GPX5: variants seen among roughly 807,000 people sequenced by gnomAD.
The protein encoded by GPX5 is epididymal secretory glutathione peroxidase.
A neutral mutation model predicts 23.8 loss-of-function variants in GPX5; 20 were observed. The observed-to-expected ratio is 0.84, with a 90% CI of 0.59 to 1.22. The LOEUF is 1.22. Ranked by LOEUF, GPX5 falls within the 50% of genes most tolerant of loss-of-function variation. The pLI is 0.00. For missense variants in GPX5, 230 were observed against 266.6 expected (o/e 0.86, Z 0.96); for synonymous variants, 92 against 99.5 (o/e 0.92, Z 0.45).
intron 2 of GPX5, among the ~76,000 whole-genome samples, chr6:28,530,352 T>C (rs932521750): frequency 3.3e-5 from 5 of 152,238 alleles, no homozygotes; most frequent in Non-Finnish European, 7.3e-5. Flanking sequence ...GGATGGATTA[T>C]ACCAGAGACA....
intron 4 of GPX5, among the ~76,000 whole-genome samples, chr6:28,533,379 ACT>A (rs1403570670): frequency 2.0e-5 from 3 of 152,130 alleles, no homozygotes; most frequent in Non-Finnish European, 2.9e-5. Context: ...ACACAGCGAG[ACT>A]CTGTCTCAAA....
At chr6:28,529,722 C>A in intron 2 of GPX5, 118 bp downstream of exon 2, 3 of 835,462 alleles carry the variant, frequency 3.6e-6, no homozygotes, top group South Asian at 2.6e-5. Flanking sequence ...TACTCATAAT[C>A]AAGTGACTTC....
chr6:28,531,804 A>C lies in GPX5; in HGVS notation c.268A>C (p.Lys90Gln). ...PELNALQEELKPYGLVVLGFP... is the reference protein window; with the variant it reads ...PELNALQEELQPYGLVVLGFP... ...ACTAAATGCACTCCAGGAGGAGCTG[A>C]AGCCCTATGGTCTAGTTGTGTTGGG... The change falls in exon 3 of 5, where the codon AAG becomes CAG. Residue 90 changes from lysine (K) to glutamine (Q), a missense_variant. Coordinates refer to ENST00000412168, the MANE Select transcript of GPX5 (RefSeq NM_001509.3). The C allele has an allele frequency of 6.2e-7, 1 of 1,612,988 alleles. No individual in the cohort carries two copies. The highest frequency in any genetic ancestry group is 8.5e-7 in the Non-Finnish European group (1 of 1,179,584).
Position 28,526,102 on chromosome 6 carries a change from T to C in GPX5, c.87+2T>C. 1 of 1,610,288 alleles carries C rather than the reference T, an allele frequency of 6.2e-7. No individual in the cohort carries two copies. The highest frequency in any genetic ancestry group is 1.1e-5 in the South Asian group (1 of 90,968). On this transcript the variant is annotated splice_donor_variant, in intron 1 of 4. Coordinates refer to ENST00000412168, the MANE Select transcript of GPX5 (RefSeq NM_001509.3). LOFTEE classifies it high-confidence loss of function. ...AGTCCCAAGCAGGAGAAGATGAAGG[T>C]GAGTGAGCTTCAGAGAGGGCATGGT...
intron 1 of GPX5, among the ~76,000 whole-genome samples, chr6:28,527,517 T>C (rs964742760): frequency 6.6e-6 from 1 of 152,158 alleles, no homozygotes; most frequent in Admixed American, 6.5e-5. Flanking sequence ...TTGTGTTTTG[T>C]TTTGCTTTGT....
chr6:28,528,813 GTATATATATATATATATATATATA>G lies in GPX5; in HGVS notation c.88-594_88-571del, dbSNP rs70983945. ...TATATGTGTATATATATATATGTGT[GTATATATATATATATATATATATA>G]TATATATATATATATATATATATAT... is the stretch of plus-strand genomic sequence containing the variant. On this transcript the variant is annotated intron_variant, in intron 1 of 4. Transcript: ENST00000412168. Among the ~76,000 whole-genome samples, 679 of 95,674 alleles carry G rather than the reference GTATATATATATATATATATATATA, an allele frequency of 7.1e-3. 21 individuals carry two copies. The highest frequency in any genetic ancestry group is 0.011 in the Non-Finnish European group (498 of 45,686). The allele number at this position is 95,674 out of a possible 152,430, so 62.8% of individuals were successfully genotyped here.
At chr6:28,526,296 A>G (rs1430904426) in intron 1 of GPX5, among the ~76,000 whole-genome samples, 196 bp downstream of exon 1, 4 of 152,108 alleles carry the variant, frequency 2.6e-5, no homozygotes, top group Non-Finnish European at 5.9e-5. Context: ...TGACTAGGGA[A>G]GAAAGGGTCT....
At chr6:28,529,732 C>A in intron 2 of GPX5, 128 bp downstream of exon 2, 1 of 802,322 alleles carries the variant, frequency 1.2e-6, no homozygotes, top group Non-Finnish European at 1.8e-6. Flanking sequence ...CAAGTGACTT[C>A]ATCCTCCATA....
At position 28,526,004 on chromosome 6, in the gene GPX5, A is replaced by G. The variant is rs1277089060; in HGVS notation, c.-10A>G. Reference sequence around the variant, plus strand: ...CAGGCCCCCAGACTAGCAATCTACAAACACTAGTCATGACTACACAGTTAA... The same window carrying G: ...CAGGCCCCCAGACTAGCAATCTACAGACACTAGTCATGACTACACAGTTAA... On this transcript the variant is annotated 5_prime_UTR_variant, in exon 1 of 5. Coordinates refer to ENST00000412168, the MANE Select transcript of GPX5 (RefSeq NM_001509.3). 1 of 1,606,736 alleles carries G rather than the reference A, an allele frequency of 6.2e-7. No individual in the cohort carries two copies. Among genetic ancestry groups the G allele is most frequent in the Admixed American group, 1.7e-5 (1 of 60,018 alleles).
chr6:28,526,843 C>T lies in GPX5; in HGVS notation c.87+743C>T, dbSNP rs1047680203. 2.0e-4 allele frequency among the ~76,000 whole-genome samples: 30 copies of T among 152,308 alleles called. 1 individual carries two copies. The highest frequency in any genetic ancestry group is 1.7e-3 in the Admixed American group (26 of 15,306). On this transcript the variant is annotated intron_variant, in intron 1 of 4. Coordinates refer to ENST00000412168, the MANE Select transcript of GPX5 (RefSeq NM_001509.3). ...CTTTGGACAAATTAACCTCTGTTAT[C>T]TCATTGTAAATTTATGGGTAACAGT...
At position 28,532,571 on chromosome 6, in the gene GPX5, T is replaced by C; in HGVS notation, c.459+151T>C. On this transcript the variant is annotated intron_variant, in intron 4 of 4. Transcript: ENST00000412168. ...CCAGATCAGCATTCCACATTGCACA[T>C]GCTGATCTGGAGATTAATCTGTGAG... The C allele has an allele frequency of 5.0e-6, 3 of 595,218 alleles. No homozygotes were observed. In the South Asian group the frequency reaches 6.6e-5, roughly 13 times the overall value. 36.9% of individuals were successfully genotyped at this position (595,218 alleles called of 1,614,324 possible). A position where few individuals can be genotyped will look rare whatever the true frequency, so the allele number is the denominator to read the frequency against.
At chr6:28,532,057 G>A (rs1248219808) in intron 3 of GPX5, among the ~76,000 whole-genome samples, 162 bp downstream of exon 3, 1 of 152,092 alleles carries the variant, frequency 6.6e-6, no homozygotes, top group Non-Finnish European at 1.5e-5. Context: ...GCGTCTGGCA[G>A]TTTCCAGACT....
In GPX5 at chr6:28,531,393, AGAAAAG is replaced by A. The variant is rs1763317523; in HGVS notation, c.242-384_242-379del. Among the ~76,000 whole-genome samples the A allele has an allele frequency of 2.5e-4, 14 of 54,914 alleles. 1 individual carries two copies. The highest frequency in any genetic ancestry group is 3.6e-4 in the Non-Finnish European group (10 of 27,728). 36.0% of individuals were successfully genotyped at this position (54,914 alleles called of 152,430 possible). A position where few individuals can be genotyped will look rare whatever the true frequency, so the allele number is the denominator to read the frequency against. ...CTCAAAAAAAAAAAAAAAAAAAAAA[AGAAAAG>A]AAAAGAAAAGAAAAGAAAAGAAAAG... On this transcript the variant is annotated intron_variant, in intron 2 of 4. Coordinates refer to ENST00000412168, the MANE Select transcript of GPX5 (RefSeq NM_001509.3).
In GPX5 at chr6:28,534,122, C is replaced by T. The variant is rs1393756719; in HGVS notation, c.621C>T (p.Val207=). The change falls in exon 5 of 5, where the codon GTC becomes GTT. Residue 207 remains valine, a synonymous_variant. Coordinates refer to ENST00000412168, the MANE Select transcript of GPX5 (RefSeq NM_001509.3). The part of the protein sequence containing the change: ...RWSHRATVSS[V]KTDILAYLKQ... ...CCCACCGGGCTACGGTCAGCTCAGT[C>T]AAGACAGACATCCTGGCGTACTTGA... is the stretch of plus-strand genomic sequence containing the variant. 6.2e-7 allele frequency: 1 copy of T among 1,607,154 alleles called. No homozygotes were observed.
Position 28,534,690 on chromosome 6 carries a change from C to A in GPX5, c.*523C>A, listed in dbSNP as rs1490582005. ...TCAGTTTTCATCCATGACACCTCCCCCTACCAGCCATTCTCCTGTGGGAGC... is the reference window on the plus strand; with the variant it reads ...TCAGTTTTCATCCATGACACCTCCCACTACCAGCCATTCTCCTGTGGGAGC... On this transcript the variant is annotated 3_prime_UTR_variant, in exon 5 of 5. Transcript: ENST00000412168. 1.3e-5 allele frequency: 2 copies of A among 152,498 alleles called. No homozygotes were observed. Among genetic ancestry groups the A allele is most frequent in the Non-Finnish European group, 2.9e-5 (2 of 68,252 alleles). The allele number at this position is 152,498 out of a possible 1,614,324, so 9.4% of individuals were successfully genotyped here.
At chr6:28,529,680 A>C in intron 2 of GPX5, 76 bp downstream of exon 2, 1 of 1,019,908 alleles carries the variant, frequency 9.8e-7, no homozygotes, top group African/African-American at 1.7e-5. Context: ...ACTTGGAATT[A>C]TATTTTAATT....
intron 2 of GPX5, among the ~76,000 whole-genome samples, chr6:28,530,802 A>G (rs898535282): frequency 2.0e-5 from 3 of 152,234 alleles, no homozygotes; most frequent in African/African-American, 4.8e-5. Context: ...CTGTGAAAAC[A>G]GGAAGGCAAT....
intron 1 of GPX5, 49 bp from the exon 2 acceptor site, chr6:28,529,402 T>C (rs781174861): frequency 1.4e-6 from 2 of 1,449,012 alleles, no homozygotes; most frequent in African/African-American, 1.4e-5. Flanking sequence ...ATTACACAGA[T>C]GCCAGGAATT....
At chr6:28,527,761 G>A (rs981386529) in intron 1 of GPX5, 15 of 152,124 alleles carry the variant, frequency 9.9e-5, no homozygotes, top group Non-Finnish European at 1.5e-5. Context: ...TATTCCATGA[G>A]CAATTTGTGG....
Sources: allele counts gnomAD v4.1 joint callset (sites outside exome capture counted in the v4.1 genomes callset), GRCh38; gene constraint gnomAD v4.1.1; transcripts MANE v1.5; gene names NCBI Gene and HGNC (gene_info 2026-07-23, HGNC 2026-07-21).